TAFA4: variants seen among roughly 807,000 people sequenced by gnomAD.
TAFA4 encodes the protein TAFA chemokine like family member 4.
Under a neutral mutation model 21.1 loss-of-function variants are expected in TAFA4, and 20 were observed. The ratio of observed to expected loss-of-function variants is 0.95; its 90% CI spans 0.67 to 1.38. TAFA4 has a LOEUF of 1.38. Ranked by LOEUF, TAFA4 falls within the 40% of genes most tolerant of loss-of-function variation. The pLI is 0.00. For synonymous variants in TAFA4, 71 were observed against 67.4 expected, an observed-to-expected ratio of 1.05 and a Z score of -0.26; for missense variants, 211 against 180.9, an observed-to-expected ratio of 1.17 and a Z score of -0.95.
rs565391504 is a variant in TAFA4 at position 68,772,889 on chromosome 3, T to C, written c.131-19871A>G. Among the ~76,000 whole-genome samples, 7 of 152,304 alleles carry C rather than the reference T, an allele frequency of 4.6e-5. No individual in the cohort carries two copies. The East Asian group carries it at 1.2e-3, about 25-fold the overall frequency. ...CCATCCATCCATTCACTCATCCTAT[T>C]GGTTCTGTCTCTCTGGAGAACTCTG... is the stretch of plus-strand genomic sequence containing the variant. On this transcript the variant is annotated intron_variant, in intron 3 of 5. Transcript: ENST00000295569.
chr3:68,875,024 C>G (rs190687411), intron 3 of TAFA4, among the ~76,000 whole-genome samples: 1 of 152,090 alleles, frequency 6.6e-6, no homozygotes, highest in Non-Finnish European at 1.5e-5. Flanking sequence ...GAATCCCTCA[C>G]CATGGAAGCT....
intron 3 of TAFA4, among the ~76,000 whole-genome samples, chr3:68,863,071 A>C (rs199560718): frequency 8.3e-6 from 1 of 120,306 alleles, no homozygotes; most frequent in Admixed American, 7.9e-5. Context: ...CCATCTCTAC[A>C]AAAAAAAAAA....
intron 3 of TAFA4, among the ~76,000 whole-genome samples, chr3:68,765,339 T>G (rs550664578): frequency 2.0e-4 from 31 of 152,318 alleles, no homozygotes; most frequent in African/African-American, 6.5e-4. Flanking sequence ...AAAAGTATAT[T>G]TGTATTGTTA....
At chr3:68,783,713 A>AAAGAAAGAAAGAAAG (rs1553641278) in intron 3 of TAFA4, among the ~76,000 whole-genome samples, 3,787 of 80,680 alleles carry the variant, frequency 0.047, 203 homozygotes, top group South Asian at 0.12. Context: ...GAGAGAAAGA[A>AAAGAAAGAAAGAAAG]AAAGAAAGAA....
chr3:68,774,977 C>T (rs1277397755), intron 3 of TAFA4, among the ~76,000 whole-genome samples: 1 of 152,074 alleles, frequency 6.6e-6, no homozygotes, highest in Non-Finnish European at 1.5e-5. Context: ...ACAACAAAGG[C>T]TAGATAATGT....
At chr3:68,872,748 A>C (rs191153958) in intron 3 of TAFA4, among the ~76,000 whole-genome samples, 2 of 152,274 alleles carry the variant, frequency 1.3e-5, no homozygotes, top group East Asian at 3.9e-4. Flanking sequence ...TCTTTAGATA[A>C]ATTGTCTCAT....
chr3:68,802,770 T>C (rs1039025025), intron 3 of TAFA4, among the ~76,000 whole-genome samples: 3 of 152,200 alleles, frequency 2.0e-5, no homozygotes, highest in Admixed American at 1.3e-4. Context: ...TTTCTAAGCA[T>C]AGAACATCCG....
At chr3:68,776,279 T>C (rs1703049192) in intron 3 of TAFA4, among the ~76,000 whole-genome samples, 1 of 151,212 alleles carries the variant, frequency 6.6e-6, no homozygotes, top group Non-Finnish European at 1.5e-5. Flanking sequence ...CTATAAGAGG[T>C]TCACTGTGAG....
chr3:68,925,427 A>G (rs913080076), intron 1 of TAFA4, among the ~76,000 whole-genome samples: 1 of 152,226 alleles, frequency 6.6e-6, no homozygotes, highest in Non-Finnish European at 1.5e-5. Flanking sequence ...CCCCAACGAT[A>G]CATACAGAGA....
At chr3:68,912,567 C>T (rs1416544005) in intron 1 of TAFA4, among the ~76,000 whole-genome samples, 1 of 152,202 alleles carries the variant, frequency 6.6e-6, no homozygotes, top group Non-Finnish European at 1.5e-5. Flanking sequence ...GATGAGCGAG[C>T]GAGCGGCATG....
chr3:68,733,388 G>C (rs1205851205), intron 5 of TAFA4, among the ~76,000 whole-genome samples: 3 of 152,172 alleles, frequency 2.0e-5, no homozygotes, highest in Non-Finnish European at 2.9e-5. Context: ...GTCTGGCTTT[G>C]TATTTGTGAG....
chr3:68,801,262 G>C (rs1036483970), intron 3 of TAFA4, among the ~76,000 whole-genome samples: 2 of 152,150 alleles, frequency 1.3e-5, no homozygotes, highest in African/African-American at 2.4e-5. Flanking sequence ...CCAAAATATC[G>C]GAAGGGATTA....
chr3:68,819,730 C>T lies in TAFA4; in HGVS notation c.130+61000G>A, dbSNP rs145940227. ...ATCACAGAAATGTAAATTAAAGCCA[C>T]AGTAAGATATCCCTTCACACCAGTT... On this transcript the variant is annotated intron_variant, in intron 3 of 5. Coordinates refer to ENST00000295569, the MANE Select transcript of TAFA4 (RefSeq NM_182522.5). Among the ~76,000 whole-genome samples, 1,066 of 152,206 alleles carry T rather than the reference C, an allele frequency of 7.0e-3. 14 individuals are homozygous for T. Among genetic ancestry groups the T allele is most frequent in the African/African-American group, 0.024 (993 of 41,528 alleles).
intron 3 of TAFA4, among the ~76,000 whole-genome samples, chr3:68,814,576 G>A (rs545419281): frequency 1.5e-4 from 23 of 152,202 alleles, no homozygotes; most frequent in Admixed American, 8.5e-4. Context: ...GCCTCAAAGA[G>A]AATAAAATAC....
At chr3:68,735,322 T>A (rs1203067239) in intron 5 of TAFA4, among the ~76,000 whole-genome samples, 1 of 152,114 alleles carries the variant, frequency 6.6e-6, no homozygotes, top group Non-Finnish European at 1.5e-5. Context: ...GATCCATTGA[T>A]GTTCTCTCAA....
At chr3:68,895,289 C>T (rs1470108121) in intron 1 of TAFA4, among the ~76,000 whole-genome samples, 3 of 152,098 alleles carry the variant, frequency 2.0e-5, no homozygotes, top group East Asian at 3.9e-4. Flanking sequence ...TCAGCCACCG[C>T]GCCCAGCCTT....
intron 4 of TAFA4, among the ~76,000 whole-genome samples, chr3:68,748,668 C>T (rs1331448257): frequency 6.6e-6 from 1 of 150,984 alleles, no homozygotes; most frequent in African/African-American, 2.4e-5. Context: ...CACTTGAACC[C>T]GGGAGGCAGA....
chr3:68,894,565 T>C (rs1439226351), intron 1 of TAFA4, among the ~76,000 whole-genome samples: 1 of 152,238 alleles, frequency 6.6e-6, no homozygotes, highest in Non-Finnish European at 1.5e-5. Flanking sequence ...GCTGGCATTA[T>C]ACTGGGACAT....
chr3:68,747,050 G>C (rs1702472463), intron 4 of TAFA4, among the ~76,000 whole-genome samples: 1 of 152,184 alleles, frequency 6.6e-6, no homozygotes. Flanking sequence ...TTGAGAAACT[G>C]ATCTACAGTT....
Sources: gnomAD v4.1 joint callset for allele counts (sites outside exome capture counted in the v4.1 genomes callset) on GRCh38, gnomAD v4.1.1 for gene constraint, MANE v1.5 for transcripts, NCBI Gene and HGNC (gene_info 2026-07-23, HGNC 2026-07-21) for gene names.